The following GNB1 variants were observed in gnomAD, a reference collection of about 807,000 sequenced individuals.
GNB1 encodes guanine nucleotide-binding protein G(I)/G(S)/G(T) subunit beta-1.
Under a neutral mutation model 42.9 loss-of-function variants are expected in GNB1, and 2 were observed. The ratio of observed to expected loss-of-function variants is 0.05; its 90% confidence interval spans 0.02 to 0.15. GNB1 has a LOEUF of 0.15. Ranked by LOEUF, GNB1 falls within the 10% of genes least tolerant of loss-of-function variation. The pLI, the probability that GNB1 is intolerant of heterozygous loss-of-function variation, is 1.00. For synonymous variants in GNB1, 183 were observed against 174.7 expected, an observed-to-expected ratio of 1.05 and a Z score of -0.38; for missense variants, 193 against 462.2, an observed-to-expected ratio of 0.42 and a Z score of 5.34.
chr1:1,828,825 T>C (rs1164103503), intron 2 of GNB1, among the ~76,000 whole-genome samples: 3 of 152,082 alleles, frequency 2.0e-5, no homozygotes, highest in Admixed American at 6.6e-5. Context: ...GAGGACTGCT[T>C]GAATCCAGCA....
intron 2 of GNB1, among the ~76,000 whole-genome samples, chr1:1,835,317 CAGT>C (rs1647130909): frequency 6.6e-6 from 1 of 152,190 alleles, no homozygotes; most frequent in Admixed American, 6.5e-5. Flanking sequence ...AGGTGGCCTC[CAGT>C]AGGTTTCCTA....
At position 1,819,931 on chromosome 1, in the gene GNB1, G is replaced by T. The variant is rs192844536; in HGVS notation, c.58-2056C>A. On this transcript the variant is annotated intron_variant, in intron 3 of 11. Coordinates refer to ENST00000378609, the MANE Select transcript of GNB1 (RefSeq NM_002074.5). Reference sequence around the variant, plus strand: ...CAAATGGCATGTGCAGCCCTTACAGGCGTGCGTCCAAGTGCCCCACATGGG... The same window carrying T: ...CAAATGGCATGTGCAGCCCTTACAGTCGTGCGTCCAAGTGCCCCACATGGG... Among the ~76,000 whole-genome samples the T allele has an allele frequency of 5.4e-4, 82 of 152,320 alleles. 1 individual carries two copies. Among genetic ancestry groups the T allele is most frequent in the African/African-American group, 1.9e-3 (79 of 41,572 alleles).
rs1646402364 is a variant in GNB1, at chr1:1,786,076, C to T, written c.*987G>A. The T allele has an allele frequency of 5.0e-6, 2 of 398,386 alleles. No homozygotes were observed. Among genetic ancestry groups the T allele is most frequent in the African/African-American group, 4.1e-5 (2 of 48,570 alleles). 24.7% of individuals were successfully genotyped at this position (398,386 alleles called of 1,614,324 possible). Reference sequence around the variant, plus strand: ...AACAATCAAAATTTTTAAAATTTAACTTAGAAAGTCTGAGATCATTATTTT... The same window carrying T: ...AACAATCAAAATTTTTAAAATTTAATTTAGAAAGTCTGAGATCATTATTTT... On this transcript the variant is annotated 3_prime_UTR_variant, in exon 12 of 12. Transcript: ENST00000378609.
chr1:1,795,576 C>T (rs1471144747), intron 7 of GNB1, among the ~76,000 whole-genome samples: 2 of 152,024 alleles, frequency 1.3e-5, no homozygotes, highest in Non-Finnish European at 2.9e-5. Context: ...GGTGAAACCC[C>T]GTCTCTACTA....
At chr1:1,886,455 A>G in intron 1 of GNB1, among the ~76,000 whole-genome samples, 1 of 152,228 alleles carries the variant, frequency 6.6e-6, no homozygotes, top group Non-Finnish European at 1.5e-5. Context: ...CTCCCAGAGC[A>G]GCTGATGTGA....
At chr1:1,890,657 C>A (rs1398636308) in intron 1 of GNB1, among the ~76,000 whole-genome samples, 163 bp downstream of exon 1, 3 of 147,928 alleles carry the variant, frequency 2.0e-5, no homozygotes, top group Non-Finnish European at 3.0e-5. Flanking sequence ...GAACCTCGGA[C>A]CCCAGCCCCC....
chr1:1,795,351 A>G (rs1219239782), intron 7 of GNB1, among the ~76,000 whole-genome samples: 1 of 152,134 alleles, frequency 6.6e-6, no homozygotes, highest in African/African-American at 2.4e-5. Context: ...GCCTTGTAGC[A>G]CTTAGCCTGT....
At chr1:1,815,383 G>C (rs1271041848) in intron 5 of GNB1, among the ~76,000 whole-genome samples, 1 of 152,138 alleles carries the variant, frequency 6.6e-6, no homozygotes, top group Non-Finnish European at 1.5e-5. Flanking sequence ...AGAGGGCGAG[G>C]GCCAACCAGC....
chr1:1,798,397 T>C (rs541013734), intron 7 of GNB1, among the ~76,000 whole-genome samples: 2 of 152,342 alleles, frequency 1.3e-5, no homozygotes, highest in South Asian at 2.1e-4. Flanking sequence ...TTCATGAATA[T>C]AGAAAATGTT....
chr1:1,825,557 G>C, intron 2 of GNB1, 58 bp from the exon 3 acceptor site: 1 of 921,194 alleles, frequency 1.1e-6, no homozygotes, highest in Non-Finnish European at 1.8e-6. Flanking sequence ...TAATGAAGCA[G>C]GTGAGAAAAG....
chr1:1,875,943 AG>A (rs756744775), intron 1 of GNB1, among the ~76,000 whole-genome samples: 75 of 152,326 alleles, frequency 4.9e-4, no homozygotes, highest in Non-Finnish European at 7.8e-4. Flanking sequence ...ATACTGAATT[AG>A]GGTGGCCCTA....
intron 2 of GNB1, among the ~76,000 whole-genome samples, chr1:1,833,178 G>T (rs1023580839): frequency 3.3e-5 from 5 of 152,092 alleles, no homozygotes; most frequent in Admixed American, 2.6e-4. Context: ...AGTCCAAACC[G>T]GCCCCAGTGT....
At chr1:1,856,698 T>A (rs749807500) in intron 1 of GNB1, among the ~76,000 whole-genome samples, 9 of 152,232 alleles carry the variant, frequency 5.9e-5, no homozygotes, top group Non-Finnish European at 1.3e-4. Flanking sequence ...AGTGCTGGGA[T>A]TACAGGCATG....
At chr1:1,807,644 A>C (rs981975958) in intron 5 of GNB1, among the ~76,000 whole-genome samples, 1 of 152,056 alleles carries the variant, frequency 6.6e-6, no homozygotes, top group Admixed American at 6.6e-5. Context: ...CCTGCTTGGT[A>C]AACAACAGCA....
chr1:1,787,900 C>A lies in GNB1; in HGVS notation c.917-463G>T, dbSNP rs767489445. 6.6e-6 allele frequency: 1 copy of A among 152,332 alleles called. No individual in the cohort carries two copies. The highest frequency in any genetic ancestry group is 2.4e-5 in the African/African-American group (1 of 41,324). The allele number at this position is 152,332 out of a possible 1,614,324, so 9.4% of individuals were successfully genotyped here. ...CAAAAACCAGCAGGGCGTGGTGGTGCGGGCCGTAGTCCCAGCTACTCAGGA... is the reference window on the plus strand; with the variant it reads ...CAAAAACCAGCAGGGCGTGGTGGTGAGGGCCGTAGTCCCAGCTACTCAGGA... On this transcript the variant is annotated intron_variant, in intron 10 of 11. Transcript: ENST00000378609. This position sits in a 1 kb window ranked among gnomAD's most constrained non-coding sequence, Gnocchi z 4.4.
intron 1 of GNB1, among the ~76,000 whole-genome samples, chr1:1,858,878 A>G (rs1036003642): frequency 2.0e-5 from 3 of 152,192 alleles, no homozygotes; most frequent in Non-Finnish European, 4.4e-5. Context: ...CAAGCTCTGC[A>G]TGAAATCAAC....
intron 1 of GNB1, among the ~76,000 whole-genome samples, chr1:1,881,130 C>T (rs1322791807): frequency 1.3e-5 from 2 of 152,120 alleles, no homozygotes; most frequent in African/African-American, 4.8e-5. Flanking sequence ...TCCTCAAACC[C>T]AACACACACA....
intron 2 of GNB1, among the ~76,000 whole-genome samples, chr1:1,826,491 G>C (rs560744916): frequency 6.6e-6 from 1 of 152,242 alleles, no homozygotes; most frequent in East Asian, 1.9e-4. Flanking sequence ...TTCAGGGAAC[G>C]GGGGTGAGTG....
In GNB1 at chr1:1,828,553, A is replaced by T. The variant is rs562106909; in HGVS notation, c.-46-3054T>A. Among the ~76,000 whole-genome samples the T allele has an allele frequency of 4.5e-4, 69 of 152,280 alleles. 1 individual carries two copies. The highest frequency in any genetic ancestry group is 3.4e-3 in the Middle Eastern group (1 of 294). On this transcript the variant is annotated intron_variant, in intron 2 of 11. Transcript: ENST00000378609. ...AGTATCTTTAAAATGAGCTCAATAT[A>T]ACTTAGTGACCTCACAAAATTTCAG... is the stretch of plus-strand genomic sequence containing the variant.
Sources: gnomAD v4.1 joint callset for allele counts (sites outside exome capture counted in the v4.1 genomes callset) on GRCh38, gnomAD v4.1.1 for gene constraint, Gnocchi (gnomAD v3.1) non-coding constraint, MANE v1.5 for transcripts, NCBI Gene and HGNC (gene_info 2026-07-23, HGNC 2026-07-21) for gene names.